The following CEP112 variants were observed in gnomAD, a reference collection of about 807,000 sequenced individuals.
CEP112 encodes the protein centrosomal protein 112.
A neutral mutation model predicts 153.0 loss-of-function variants in CEP112; 127 were observed. The observed-to-expected ratio is 0.83, with a 90% CI of 0.72 to 0.96. The LOEUF (loss-of-function observed/expected upper bound fraction) is 0.96. Ranked by LOEUF, CEP112 falls within the 40% of genes least tolerant of loss-of-function variation. The probability of loss-of-function intolerance (pLI) is 0.00; values close to 1 mark genes in which losing one functional copy is unlikely to be tolerated. For synonymous variants in CEP112, 358 were observed against 374.4 expected, an observed-to-expected ratio of 0.96 and a Z score of 0.51; for missense variants, 1,089 against 1,101.2, an observed-to-expected ratio of 0.99 and a Z score of 0.16.
chr17:65,826,249 G>C (rs764678953), intron 21 of CEP112: 5 of 1,613,796 alleles, frequency 3.1e-6, no homozygotes, highest in East Asian at 4.5e-5. Flanking sequence ...TCAGTCTCAG[G>C]GCTTGGTTTT....
At chr17:65,670,179 T>C (rs942790335) in intron 24 of CEP112, among the ~76,000 whole-genome samples, 37 of 146,024 alleles carry the variant, frequency 2.5e-4, no homozygotes, top group Admixed American at 2.4e-3. Context: ...GTTGTTGTTG[T>C]TTTTTTTTTA....
intron 6 of CEP112, among the ~76,000 whole-genome samples, chr17:66,116,950 T>A (rs1182576152): frequency 1.4e-5 from 2 of 143,430 alleles, no homozygotes; most frequent in Admixed American, 1.5e-4. Context: ...CACTGCAACC[T>A]CCGCCTCCTG....
intron 12 of CEP112, among the ~76,000 whole-genome samples, chr17:66,045,694 C>T (rs2066173173): frequency 6.6e-6 from 1 of 152,024 alleles, no homozygotes; most frequent in African/African-American, 2.4e-5. Flanking sequence ...CAGATGTGTG[C>T]TCATATATGT....
At chr17:65,915,349 G>C (rs2143916045) in intron 19 of CEP112, among the ~76,000 whole-genome samples, 1 of 152,074 alleles carries the variant, frequency 6.6e-6, no homozygotes, top group Admixed American at 6.6e-5. Context: ...ACTACTCCCT[G>C]TCTCCCCCAC....
chr17:65,822,712 C>T (rs1308077557), intron 21 of CEP112, among the ~76,000 whole-genome samples: 2 of 151,950 alleles, frequency 1.3e-5, no homozygotes, highest in East Asian at 3.8e-4. Context: ...CCAAAATTCA[C>T]CAGTTTATTA....
intron 24 of CEP112, among the ~76,000 whole-genome samples, chr17:65,678,919 C>T (rs1191030821): frequency 2.0e-5 from 3 of 152,080 alleles, no homozygotes; most frequent in Non-Finnish European, 4.4e-5. Context: ...AAACAGAGCA[C>T]GTTAACACCA....
chr17:65,669,675 G>A (rs183304620), intron 24 of CEP112, among the ~76,000 whole-genome samples: 31 of 152,258 alleles, frequency 2.0e-4, no homozygotes, highest in Admixed American at 7.2e-4. Context: ...GGGCCAAGGC[G>A]GGTGGATCAC....
intron 18 of CEP112, among the ~76,000 whole-genome samples, chr17:65,945,519 T>G (rs1038193138): frequency 1.3e-5 from 2 of 152,250 alleles, no homozygotes; most frequent in African/African-American, 4.8e-5. Context: ...ATCAGTTTCA[T>G]TGTTCCACCA....
chr17:65,772,615 CACAG>C (rs2053433487), intron 21 of CEP112, among the ~76,000 whole-genome samples: 3 of 44,754 alleles, frequency 6.7e-5, no homozygotes, highest in African/African-American at 4.6e-4. Flanking sequence ...CACACACACA[CACAG>C]ACAGCCCCTT....
intron 21 of CEP112, among the ~76,000 whole-genome samples, chr17:65,837,381 T>C (rs889106720): frequency 1.3e-5 from 2 of 149,924 alleles, no homozygotes; most frequent in African/African-American, 5.0e-5. Context: ...GGGCCACCCA[T>C]CGTCTGAGAT....
rs1366004100 is a variant in CEP112, at chr17:65,851,842, T to G, written c.2356A>C (p.Lys786Gln). ...ESEKMKIELK[K>Q]THAAETEMTL... ...ATCTCTGTCTCAGCAGCATGAGTCT[T>G]TTTCAGCTCTATTTTCATCTTTTCT... The change falls in exon 21 of 27, where the codon AAG (lysine) becomes CAG (glutamine). Residue 786 changes from lysine to glutamine, a missense_variant. By Grantham distance (53) the Lys-to-Gln change is moderately conservative. Coordinates refer to ENST00000535342, the MANE Select transcript of CEP112 (RefSeq NM_001199165.4). 1.2e-6 allele frequency: 2 copies of G among 1,614,014 alleles called. No individual in the cohort carries two copies. Among genetic ancestry groups the G allele is most frequent in the Non-Finnish European group, 1.7e-6 (2 of 1,180,006 alleles).
intron 4 of CEP112, among the ~76,000 whole-genome samples, chr17:66,164,427 G>A (rs954487050): frequency 6.6e-5 from 10 of 151,034 alleles, no homozygotes; most frequent in South Asian, 2.1e-4. Flanking sequence ...GCGTGGTGGC[G>A]GGCACCTGTA....
chr17:66,053,054 C>G lies in CEP112; in HGVS notation c.1218+682G>C, dbSNP rs550510443. Among the ~76,000 whole-genome samples, 3 of 150,764 alleles carry G rather than the reference C, an allele frequency of 2.0e-5. No individual in the cohort carries two copies. The Admixed American group carries it at 2.0e-4, about 10-fold the overall frequency. ...CCTGGGAGGCAGAGGTTGCAGTGAG[C>G]TGAGACTAAGCCACTGTACTCCAGC... On this transcript the variant is annotated intron_variant, in intron 12 of 26. Coordinates refer to ENST00000535342, the MANE Select transcript of CEP112 (RefSeq NM_001199165.4).
intron 21 of CEP112, among the ~76,000 whole-genome samples, chr17:65,763,992 A>G (rs1205948940): frequency 2.6e-5 from 4 of 152,074 alleles, no homozygotes; most frequent in African/African-American, 9.7e-5. Context: ...TCCTATAACT[A>G]GGTCAGTCTT....
At chr17:66,126,405 ATCCACGAG>A (rs2069852365) in intron 6 of CEP112, among the ~76,000 whole-genome samples, 1 of 152,192 alleles carries the variant, frequency 6.6e-6, no homozygotes. Flanking sequence ...TTTCACAATG[ATCCACGAG>A]TCACTAAAGG....
At chr17:65,850,338 T>C (rs927646988) in intron 21 of CEP112, among the ~76,000 whole-genome samples, 2 of 151,920 alleles carry the variant, frequency 1.3e-5, no homozygotes, top group Admixed American at 1.3e-4. Context: ...CAAAGAGGAA[T>C]TCCATCTGTC....
intron 22 of CEP112, among the ~76,000 whole-genome samples, chr17:65,750,424 T>A (rs1471630873): frequency 6.6e-6 from 1 of 152,152 alleles, no homozygotes; most frequent in African/African-American, 2.4e-5. Flanking sequence ...TGTGTATGTG[T>A]GTGTGTGTGC....
chr17:65,974,129 T>C (rs1384531320), intron 17 of CEP112, among the ~76,000 whole-genome samples: 1 of 151,832 alleles, frequency 6.6e-6, no homozygotes, highest in Non-Finnish European at 1.5e-5. Context: ...CAAGCTGGAG[T>C]GCAGTGGTGA....
intron 21 of CEP112, among the ~76,000 whole-genome samples, chr17:65,783,081 TA>T (rs140948157): frequency 0.064 from 9,736 of 151,088 alleles, 368 homozygotes; most frequent in South Asian, 0.13. Context: ...AGAAAATATT[TA>T]AAAAAAAAGA....
Sources: gnomAD v4.1 joint callset for allele counts (sites outside exome capture counted in the v4.1 genomes callset) on GRCh38, gnomAD v4.1.1 for gene constraint, MANE v1.5 for transcripts, NCBI Gene and HGNC (gene_info 2026-07-23, HGNC 2026-07-21) for gene names.